The following KIRREL3 variants were observed in gnomAD, a reference collection of about 807,000 sequenced individuals.
KIRREL3 encodes kin of IRRE-like protein 3.
A neutral mutation model predicts 89.7 loss-of-function variants in KIRREL3; 36 were observed. The ratio of observed to expected loss-of-function variants is 0.40; its 90% confidence interval spans 0.31 to 0.53. KIRREL3 has a LOEUF of 0.53. Among genes scored for constraint, KIRREL3 ranks in the 20% least tolerant of loss-of-function variants. The pLI is 0.49. For synonymous variants in KIRREL3, 445 were observed against 441.4 expected (o/e 1.01, Z -0.10); for missense variants, 864 against 1,056.6 (o/e 0.82, Z 2.53).
At position 126,930,352 on chromosome 11, in the gene KIRREL3, C is replaced by T. The variant is rs117608311; in HGVS notation, c.55+70103G>A. On this transcript the variant is annotated intron_variant, in intron 1 of 16. Coordinates refer to ENST00000525144, the MANE Select transcript of KIRREL3 (RefSeq NM_032531.4). ...AAGCCCTCTCTCCCACCATTCTTTG[C>T]GATGTTTGGAGCTCACCCTTGCCTG... is the stretch of plus-strand genomic sequence containing the variant. Among the ~76,000 whole-genome samples the T allele has an allele frequency of 1.8e-4, 27 of 152,240 alleles. No homozygotes were observed. The East Asian group carries it at 4.6e-3, about 26-fold the overall frequency.
Position 126,570,081 on chromosome 11 carries a change from T to C in KIRREL3, c.56-7169A>G, listed in dbSNP as rs986027260. Among the ~76,000 whole-genome samples, 1 of 152,180 alleles carries C rather than the reference T, an allele frequency of 6.6e-6. No individual in the cohort carries two copies. The highest frequency in any genetic ancestry group is 2.4e-5 in the African/African-American group (1 of 41,454). On this transcript the variant is annotated intron_variant, in intron 1 of 16. Transcript: ENST00000525144. This position sits in a 1 kb window ranked among gnomAD's most constrained non-coding sequence, Gnocchi z 6.1. ...ACTGAAGAGTGGAGTAGCAAAGGTA[T>C]ATTAATCCTGACTAGTGCCTGGCCC... is the stretch of plus-strand genomic sequence containing the variant.
chr11:126,667,693 C>T (rs924511256), intron 1 of KIRREL3, among the ~76,000 whole-genome samples: 3 of 152,116 alleles, frequency 2.0e-5, no homozygotes, highest in African/African-American at 7.2e-5. Context: ...ATTCTGAGAC[C>T]CTTCTTGGGG....
At chr11:126,446,953 G>A (rs3212311) in intron 8 of KIRREL3, 67 bp from the exon 9 acceptor site, 2 of 1,556,068 alleles carry the variant, frequency 1.3e-6, no homozygotes, top group Non-Finnish European at 1.7e-6. Context: ...CCTTGCTGCT[G>A]CCTCCTTTTC....
At chr11:126,688,219 C>T (rs1325375612) in intron 1 of KIRREL3, among the ~76,000 whole-genome samples, 1 of 152,242 alleles carries the variant, frequency 6.6e-6, no homozygotes, top group African/African-American at 2.4e-5. Context: ...GCTCTGGCCA[C>T]AGTCAGGTGA....
chr11:126,748,062 C>T lies in KIRREL3; in HGVS notation c.56-185150G>A, dbSNP rs549338126. Among the ~76,000 whole-genome samples, 27 of 152,304 alleles carry T rather than the reference C, an allele frequency of 1.8e-4. 1 individual carries two copies. The South Asian group carries it at 5.6e-3, about 32-fold the overall frequency. ...GCCTCCCTAGTGACTGATTTATCTG[C>T]TCCTTGAATCTGAGGAGGTTCACCT... is the stretch of plus-strand genomic sequence containing the variant. On this transcript the variant is annotated intron_variant, in intron 1 of 16. Coordinates refer to ENST00000525144, the MANE Select transcript of KIRREL3 (RefSeq NM_032531.4). This position sits in a 1 kb window ranked among gnomAD's most constrained non-coding sequence, Gnocchi z 4.6.
chr11:126,898,316 G>A lies in KIRREL3; in HGVS notation c.55+102139C>T, dbSNP rs896018266. Among the ~76,000 whole-genome samples, 1 of 152,206 alleles carries A rather than the reference G, an allele frequency of 6.6e-6. No homozygotes were observed. On this transcript the variant is annotated intron_variant, in intron 1 of 16. Coordinates refer to ENST00000525144, the MANE Select transcript of KIRREL3 (RefSeq NM_032531.4). The surrounding 1 kb of genome is among the most constrained non-coding windows in gnomAD (Gnocchi z 4.9). ...ACTGGAACTGCTCTGAACCAGTGTT[G>A]AGAATATAAACTGGTCGGATATTTT...
chr11:126,890,201 T>A lies in KIRREL3; in HGVS notation c.55+110254A>T, dbSNP rs1945856883. 6.6e-6 allele frequency among the ~76,000 whole-genome samples: 1 copy of A among 152,010 alleles called. No homozygotes were observed. Among genetic ancestry groups the A allele is most frequent in the African/African-American group, 2.4e-5 (1 of 41,388 alleles). On this transcript the variant is annotated intron_variant, in intron 1 of 16. Coordinates refer to ENST00000525144, the MANE Select transcript of KIRREL3 (RefSeq NM_032531.4). The surrounding 1 kb of genome is among the most constrained non-coding windows in gnomAD (Gnocchi z 5.1). ...CTGAGGGGTGAAAGTGGGAGGAGAA[T>A]GGTTTCTGGCTCCCGGCAGGTTCAT... is the stretch of plus-strand genomic sequence containing the variant.
chr11:126,466,219 T>C (rs1263930782), intron 5 of KIRREL3, among the ~76,000 whole-genome samples: 1 of 152,206 alleles, frequency 6.6e-6, no homozygotes, highest in African/African-American at 2.4e-5. Context: ...AAATAAAAAT[T>C]CTGGTTCAAG....
Position 126,445,002 on chromosome 11 carries a change from C to G in KIRREL3, c.1229G>C (p.Arg410Thr), listed in dbSNP as rs764518355. The change falls in exon 10 of 17, where the codon AGA (arginine) becomes ACA (threonine). Residue 410 changes from arginine (R) to threonine (T), a missense_variant. Transcript: ENST00000525144. ...ACCATTGACGGTCAGGGTCACCTCT[C>G]TCTCCCCGGCTCCCACACGGGGCAC... ...AVVPRVGAGEREVTLTVNGPP... is the reference protein window; with the variant it reads ...AVVPRVGAGETEVTLTVNGPP... 21 of 1,613,706 alleles carry G rather than the reference C, an allele frequency of 1.3e-5. No homozygotes were observed. The East Asian group carries it at 4.5e-4, about 34-fold the overall frequency.
intron 10 of KIRREL3, 27 bp from the exon 11 acceptor site, chr11:126,440,576 C>T (rs1471701293): frequency 2.6e-6 from 4 of 1,565,666 alleles, no homozygotes; most frequent in East Asian, 2.4e-5. Flanking sequence ...TCCCATTAGG[C>T]ACCCGGGAAG....
At position 126,463,006 on chromosome 11, in the gene KIRREL3, G is replaced by A. The variant is rs889135254; in HGVS notation, c.742+151C>T. 4.4e-6 allele frequency: 3 copies of A among 680,400 alleles called. No homozygotes were observed. Among genetic ancestry groups the A allele is most frequent in the African/African-American group, 1.8e-5 (1 of 55,744 alleles). 42.1% of individuals were successfully genotyped at this position (680,400 alleles called of 1,614,324 possible). The stretch of plus-strand genomic sequence containing the variant: ...CTCATGACAGTAAGGAAGACAAGAT[G>A]GTCCTTCCTGTCCGTATCTACAAGC... On this transcript the variant is annotated intron_variant, in intron 6 of 16. Transcript: ENST00000525144. This position sits in a 1 kb window ranked among gnomAD's most constrained non-coding sequence, Gnocchi z 5.9.
chr11:126,571,057 G>T lies in KIRREL3; in HGVS notation c.56-8145C>A, dbSNP rs1305470899. Among the ~76,000 whole-genome samples, 1 of 152,184 alleles carries T rather than the reference G, an allele frequency of 6.6e-6. No homozygotes were observed. Among genetic ancestry groups the T allele is most frequent in the African/African-American group, 2.4e-5 (1 of 41,438 alleles). On this transcript the variant is annotated intron_variant, in intron 1 of 16. Transcript: ENST00000525144. This position sits in a 1 kb window ranked among gnomAD's most constrained non-coding sequence, Gnocchi z 7.7. Reference sequence around the variant, plus strand: ...GTCCTGAGTCCCACAGCTGGCAAATGGTGAGGCTTGCCGTACACCTCCATG... The same window carrying T: ...GTCCTGAGTCCCACAGCTGGCAAATTGTGAGGCTTGCCGTACACCTCCATG...
Position 126,530,739 on chromosome 11 carries a change from C to A in KIRREL3, c.134-4052G>T, listed in dbSNP as rs1958916370. Among the ~76,000 whole-genome samples, 1 of 152,220 alleles carries A rather than the reference C, an allele frequency of 6.6e-6. No homozygotes were observed. The highest frequency in any genetic ancestry group is 1.5e-5 in the Non-Finnish European group (1 of 68,042). On this transcript the variant is annotated intron_variant, in intron 2 of 16. Coordinates refer to ENST00000525144, the MANE Select transcript of KIRREL3 (RefSeq NM_032531.4). This position sits in a 1 kb window ranked among gnomAD's most constrained non-coding sequence, Gnocchi z 5.8. ...AGCACCTTCCACCGGCCCAGGGTTT[C>A]CATCTTCTCCGCTTCGCATTTTCCC... is the stretch of plus-strand genomic sequence containing the variant.
rs1456878039 is a variant in KIRREL3 at position 126,892,930 on chromosome 11, A to G, written c.55+107525T>C. Among the ~76,000 whole-genome samples, 1 of 152,212 alleles carries G rather than the reference A, an allele frequency of 6.6e-6. No individual in the cohort carries two copies. The highest frequency in any genetic ancestry group is 2.4e-5 in the African/African-American group (1 of 41,456). Reference sequence around the variant, plus strand: ...GGCATCCCTGCTGCAGAATCGGGCTAGGATAGGGCTGAGTATTCTAATTGC... The same window carrying G: ...GGCATCCCTGCTGCAGAATCGGGCTGGGATAGGGCTGAGTATTCTAATTGC... On this transcript the variant is annotated intron_variant, in intron 1 of 16. Transcript: ENST00000525144. The surrounding 1 kb of genome is among the most constrained non-coding windows in gnomAD (Gnocchi z 5.4).
intron 1 of KIRREL3, among the ~76,000 whole-genome samples, chr11:126,949,023 A>G (rs147099768): frequency 2.4e-3 from 360 of 152,342 alleles, no homozygotes; most frequent in African/African-American, 8.3e-3. Context: ...GGCTTTTTAT[A>G]TTAATGTTTA....
chr11:126,431,289 T>C lies in KIRREL3; in HGVS notation c.1696+130A>G. 1 of 1,550,802 alleles carries C rather than the reference T, an allele frequency of 6.4e-7. No homozygotes were observed. Among genetic ancestry groups the C allele is most frequent in the Non-Finnish European group, 8.7e-7 (1 of 1,146,362 alleles). On this transcript the variant is annotated intron_variant, in intron 14 of 16. Coordinates refer to ENST00000525144, the MANE Select transcript of KIRREL3 (RefSeq NM_032531.4). The surrounding 1 kb of genome is among the most constrained non-coding windows in gnomAD (Gnocchi z 7.1). ...ACACCGATGCATCAGACCCACTCCC[T>C]GCCCCAGGAGCTCACAGCACTGTTA... is the stretch of plus-strand genomic sequence containing the variant.
chr11:126,917,378 G>A lies in KIRREL3; in HGVS notation c.55+83077C>T, dbSNP rs532663153. 1.3e-5 allele frequency among the ~76,000 whole-genome samples: 2 copies of A among 152,198 alleles called. No individual in the cohort carries two copies. Among genetic ancestry groups the A allele is most frequent in the South Asian group, 4.2e-4 (2 of 4,810 alleles). On this transcript the variant is annotated intron_variant, in intron 1 of 16. Coordinates refer to ENST00000525144, the MANE Select transcript of KIRREL3 (RefSeq NM_032531.4). The surrounding 1 kb of genome is among the most constrained non-coding windows in gnomAD (Gnocchi z 5.0). ...TGAAAAAGTTCTGGAAATAAATAGTGGTGATGGTTGCACAACATTGTCAAT... is the reference window on the plus strand; with the variant it reads ...TGAAAAAGTTCTGGAAATAAATAGTAGTGATGGTTGCACAACATTGTCAAT...
At position 126,653,925 on chromosome 11, in the gene KIRREL3, T is replaced by A. The variant is rs943994628; in HGVS notation, c.56-91013A>T. ...AAAATAGACCTTGTAGCTGCCTCCATGCGATTCAGGGGAAGGTGATACCAC... is the reference window on the plus strand; with the variant it reads ...AAAATAGACCTTGTAGCTGCCTCCAAGCGATTCAGGGGAAGGTGATACCAC... On this transcript the variant is annotated intron_variant, in intron 1 of 16. Coordinates refer to ENST00000525144, the MANE Select transcript of KIRREL3 (RefSeq NM_032531.4). This position sits in a 1 kb window ranked among gnomAD's most constrained non-coding sequence, Gnocchi z 5.4. 6.6e-6 allele frequency among the ~76,000 whole-genome samples: 1 copy of A among 152,172 alleles called. No individual in the cohort carries two copies. Among genetic ancestry groups the A allele is most frequent in the African/African-American group, 2.4e-5 (1 of 41,438 alleles).
intron 5 of KIRREL3, among the ~76,000 whole-genome samples, chr11:126,465,794 G>A (rs971085743): frequency 6.6e-6 from 1 of 152,198 alleles, no homozygotes; most frequent in East Asian, 1.9e-4. Context: ...CAAAGCCCGG[G>A]CAGGGAGGGA....
Sources: allele counts gnomAD v4.1 joint callset (sites outside exome capture counted in the v4.1 genomes callset), GRCh38; gene constraint gnomAD v4.1.1; non-coding constraint Gnocchi (gnomAD v3.1); transcripts MANE v1.5; gene names NCBI Gene and HGNC (gene_info 2026-07-23, HGNC 2026-07-21).